Variants in SBF2 observed in about 807,000 individuals in gnomAD.
SBF2 encodes SET binding factor 2.
In SBF2, 112 loss-of-function variants were observed where a neutral mutation model predicts 225.2. That is an observed-to-expected ratio of 0.50 (90% CI 0.43 to 0.58). SBF2 has a LOEUF of 0.58. Among genes scored for constraint, SBF2 ranks in the 20% least tolerant of loss-of-function variants. SBF2 has a pLI of 0.00. For synonymous variants in SBF2, 763 were observed against 773.3 expected (o/e 0.99, Z 0.22); for missense variants, 1,996 against 2,206.2 (o/e 0.90, Z 1.91).
intron 2 of SBF2, among the ~76,000 whole-genome samples, chr11:10,129,782 T>G (rs1383224220): frequency 1.3e-5 from 2 of 151,804 alleles, no homozygotes; most frequent in Non-Finnish European, 2.9e-5. Flanking sequence ...AACAGGAGGG[T>G]TGCTTGAGGC....
At chr11:9,894,113 G>A (rs1016837037) in intron 17 of SBF2, among the ~76,000 whole-genome samples, 8 of 151,830 alleles carry the variant, frequency 5.3e-5, no homozygotes, top group South Asian at 2.1e-4. Flanking sequence ...CAGGCGTGGT[G>A]GCTCACCCCT....
chr11:10,090,764 C>CAAAA lies in SBF2; in HGVS notation c.142-47787_142-47784dup, dbSNP rs201577494. ...TGGGAGTCAGAGCAAGATTCCATCT[C>CAAAA]AAAAAAAAAAAAAAAAAAAAAGCTA... On this transcript the variant is annotated intron_variant, in intron 2 of 39. Transcript: ENST00000256190. 2.9e-3 allele frequency among the ~76,000 whole-genome samples: 128 copies of CAAAA among 44,412 alleles called. 4 individuals are homozygous for CAAAA. The highest frequency in any genetic ancestry group is 0.016 in the Middle Eastern group (1 of 62). The allele number at this position is 44,412 out of a possible 152,430, so 29.1% of individuals were successfully genotyped here.
intron 28 of SBF2, chr11:9,828,574 G>A (rs1337712579): frequency 2.0e-6 from 2 of 985,244 alleles, no homozygotes; most frequent in African/African-American, 1.7e-5. Flanking sequence ...ACATGCTCCT[G>A]TGTCTAACAC....
Position 9,781,379 on chromosome 11 carries a change from C to T in SBF2, c.5451+128G>A, listed in dbSNP as rs1851994454. On this transcript the variant is annotated intron_variant, in intron 39 of 39. Coordinates refer to ENST00000256190, the MANE Select transcript of SBF2 (RefSeq NM_030962.4). ...GCTGAGTTCAAGCTCTGGAACAATT[C>T]CCATAGCCAAGGGGGTCTGTCATCC... 4 of 1,235,112 alleles carry T rather than the reference C, an allele frequency of 3.2e-6. 1 individual carries two copies. Among genetic ancestry groups the T allele is most frequent in the Non-Finnish European group, 4.7e-6 (4 of 846,608 alleles). 76.5% of individuals were successfully genotyped at this position (1,235,112 alleles called of 1,614,324 possible). A position where few individuals can be genotyped will look rare whatever the true frequency, so the allele number is the denominator to read the frequency against.
At chr11:10,290,169 T>C (rs1474161856) in intron 1 of SBF2, among the ~76,000 whole-genome samples, 3 of 152,172 alleles carry the variant, frequency 2.0e-5, no homozygotes, top group Non-Finnish European at 2.9e-5. Flanking sequence ...CTTTTCCTGC[T>C]GTGAGAAGAG....
intron 16 of SBF2, among the ~76,000 whole-genome samples, chr11:9,908,211 TTTTC>T (rs1328895213): frequency 6.6e-6 from 1 of 152,214 alleles, no homozygotes; most frequent in Non-Finnish European, 1.5e-5. Context: ...AAGAAAATTT[TTTTC>T]TTATGTGTTC....
At chr11:10,143,137 C>T (rs981479117) in intron 2 of SBF2, among the ~76,000 whole-genome samples, 9 of 151,998 alleles carry the variant, frequency 5.9e-5, no homozygotes, top group Non-Finnish European at 1.0e-4. Flanking sequence ...ATCCTTACTC[C>T]TCCCATTAAT....
At chr11:9,824,715 T>C (rs1484780666) in intron 28 of SBF2, among the ~76,000 whole-genome samples, 1 of 152,266 alleles carries the variant, frequency 6.6e-6, no homozygotes, top group Non-Finnish European at 1.5e-5. Flanking sequence ...ACGTGTACAA[T>C]GGCAAAATAC....
In SBF2 at chr11:9,824,105, T is replaced by C. The variant is rs149804916; in HGVS notation, c.3793+5251A>G. ...ATGCACATAGTGGTCATAAGTTAAA[T>C]AGGAGATTTTAATCTGAAAAGGTAA... On this transcript the variant is annotated intron_variant, in intron 28 of 39. Coordinates refer to ENST00000256190, the MANE Select transcript of SBF2 (RefSeq NM_030962.4). Among the ~76,000 whole-genome samples, 72 of 152,300 alleles carry C rather than the reference T, an allele frequency of 4.7e-4. No individual in the cohort carries two copies. The East Asian group carries it at 0.014, about 29-fold the overall frequency.
chr11:9,784,864 CA>C (rs1852268423), intron 37 of SBF2: 2 of 543,148 alleles, frequency 3.7e-6, no homozygotes, highest in Admixed American at 3.1e-5. Context: ...CATGTTCCCT[CA>C]AACGTTCTGG....
chr11:10,198,924 T>A (rs1188943611), intron 1 of SBF2, among the ~76,000 whole-genome samples: 1 of 152,214 alleles, frequency 6.6e-6, no homozygotes, highest in African/African-American at 2.4e-5. Flanking sequence ...CTTAAGAAAA[T>A]GTTGTGGCTA....
chr11:10,176,757 G>A (rs571843293), intron 2 of SBF2, among the ~76,000 whole-genome samples: 12 of 152,254 alleles, frequency 7.9e-5, no homozygotes, highest in African/African-American at 2.9e-4. Context: ...AATTGTACCA[G>A]AGGTACAAGA....
At chr11:10,253,168 C>A (rs1180329340) in intron 1 of SBF2, among the ~76,000 whole-genome samples, 2 of 146,048 alleles carry the variant, frequency 1.4e-5, no homozygotes, top group Non-Finnish European at 1.5e-5. Flanking sequence ...TCAGAATTTG[C>A]CTCTAGAGAA....
chr11:9,964,018 A>G (rs1487447740), intron 14 of SBF2, 136 bp from the exon 15 acceptor site: 12 of 635,436 alleles, frequency 1.9e-5, no homozygotes, highest in Non-Finnish European at 3.1e-5. Context: ...TGGGAGGCTG[A>G]GGTGGGATGA....
At position 9,987,969 on chromosome 11, in the gene SBF2, T is replaced by G. The variant is rs533686738; in HGVS notation, c.1395+1528A>C. On this transcript the variant is annotated intron_variant, in intron 13 of 39. Coordinates refer to ENST00000256190, the MANE Select transcript of SBF2 (RefSeq NM_030962.4). The stretch of plus-strand genomic sequence containing the variant: ...AGAGCCCGCATAGCCAAAGCAAGAC[T>G]AAGCAAAAAGAACAAATTTAGAGGC... Among the ~76,000 whole-genome samples, 4 of 152,278 alleles carry G rather than the reference T, an allele frequency of 2.6e-5. No individual in the cohort carries two copies. The South Asian group carries it at 8.3e-4, about 32-fold the overall frequency.
intron 1 of SBF2, among the ~76,000 whole-genome samples, chr11:10,249,513 CAAT>C (rs762569588): frequency 2.0e-4 from 30 of 152,242 alleles, no homozygotes; most frequent in Admixed American, 1.2e-3. Context: ...TTCCCTCTAT[CAAT>C]GAGTAAACAT....
intron 14 of SBF2, among the ~76,000 whole-genome samples, chr11:9,964,405 T>C (rs1866769608): frequency 6.6e-6 from 1 of 152,270 alleles, no homozygotes; most frequent in South Asian, 2.1e-4. Flanking sequence ...TAGATTCTAA[T>C]GAGACACTTA....
At chr11:10,252,728 T>C (rs1242664770) in intron 1 of SBF2, among the ~76,000 whole-genome samples, 1 of 150,004 alleles carries the variant, frequency 6.7e-6, no homozygotes, top group African/African-American at 2.5e-5. Flanking sequence ...GAGAATGGCG[T>C]GCACCTGGGA....
chr11:9,953,663 T>A (rs1865989401), intron 16 of SBF2, among the ~76,000 whole-genome samples: 1 of 152,180 alleles, frequency 6.6e-6, no homozygotes, highest in Non-Finnish European at 1.5e-5. Context: ...GCCAAGGGTG[T>A]ACTCACAAAT....
Sources: gnomAD v4.1 joint callset for allele counts (sites outside exome capture counted in the v4.1 genomes callset) on GRCh38, gnomAD v4.1.1 for gene constraint, MANE v1.5 for transcripts, NCBI Gene and HGNC (gene_info 2026-07-23, HGNC 2026-07-21) for gene names.